Variants in PRMT3 observed in about 807,000 individuals in gnomAD.
PRMT3 encodes protein arginine methyltransferase 3.
Under a neutral mutation model 71.9 loss-of-function variants are expected in PRMT3, and 62 were observed. The observed-to-expected ratio is 0.86, with a 90% CI of 0.70 to 1.07. The LOEUF is 1.07. Among genes scored for constraint, PRMT3 ranks in the 50% least tolerant of loss-of-function variants. PRMT3 has a pLI of 0.00. For missense variants in PRMT3, 663 were observed against 643.0 expected, an observed-to-expected ratio of 1.03 and a Z score of -0.34; for synonymous variants, 213 against 220.4, an observed-to-expected ratio of 0.97 and a Z score of 0.30.
At chr11:20,476,655 T>A (rs116864572) in intron 13 of PRMT3, among the ~76,000 whole-genome samples, 1,913 of 152,316 alleles carry the variant, frequency 0.013, 21 homozygotes, top group Non-Finnish European at 0.019. Context: ...TTTTAATTCA[T>A]TATTTCTTTT....
At chr11:20,408,111 C>A in intron 9 of PRMT3, 79 bp downstream of exon 9, 1 of 1,008,836 alleles carries the variant, frequency 9.9e-7, no homozygotes, top group Non-Finnish European at 1.4e-6. Context: ...TCTTTAGTAG[C>A]TATCTAAGGC....
rs1283467740 is a variant in PRMT3, at chr11:20,494,083, C to T, written c.1399-84C>T. ...ATTTTGCTGCTGTAAGCAATTGGGG[C>T]TTGTGTTTGATGTCGTAGATTAATG... On this transcript the variant is annotated intron_variant, in intron 14 of 15. Coordinates refer to ENST00000331079, the MANE Select transcript of PRMT3 (RefSeq NM_005788.4). The T allele has an allele frequency of 4.1e-6, 6 of 1,462,622 alleles. No individual in the cohort carries two copies. The African/African-American group carries it at 8.4e-5, about 21-fold the overall frequency. The allele number at this position is 1,462,622 out of a possible 1,614,324, so 90.6% of individuals were successfully genotyped here. A position where few individuals can be genotyped will look rare whatever the true frequency, so the allele number is the denominator to read the frequency against.
chr11:20,467,172 T>G (rs1048262283), intron 13 of PRMT3, among the ~76,000 whole-genome samples: 1 of 152,188 alleles, frequency 6.6e-6, no homozygotes, highest in Non-Finnish European at 1.5e-5. Context: ...GATAAAATAT[T>G]TTAGTAGTTA....
chr11:20,480,016 T>G (rs1850891908), intron 13 of PRMT3, among the ~76,000 whole-genome samples: 3 of 152,132 alleles, frequency 2.0e-5, no homozygotes. Flanking sequence ...ATGAATTTCA[T>G]GAACAGTTGA....
At chr11:20,422,557 A>G (rs1205995364) in intron 9 of PRMT3, among the ~76,000 whole-genome samples, 1 of 152,166 alleles carries the variant, frequency 6.6e-6, no homozygotes, top group Non-Finnish European at 1.5e-5. Context: ...CCCTCTGCGT[A>G]CTATTCCCTA....
At chr11:20,472,181 T>C (rs892950916) in intron 13 of PRMT3, among the ~76,000 whole-genome samples, 7 of 152,198 alleles carry the variant, frequency 4.6e-5, no homozygotes, top group African/African-American at 1.7e-4. Flanking sequence ...ACTATTTAAA[T>C]ATGCTTTATT....
intron 10 of PRMT3, among the ~76,000 whole-genome samples, chr11:20,438,043 C>T (rs1000776140): frequency 2.0e-5 from 3 of 152,120 alleles, no homozygotes; most frequent in Non-Finnish European, 4.4e-5. Context: ...GCAGTGGGGC[C>T]ACAGTACTGC....
At chr11:20,422,349 C>G (rs779966120) in intron 9 of PRMT3, among the ~76,000 whole-genome samples, 3 of 152,066 alleles carry the variant, frequency 2.0e-5, no homozygotes, top group Non-Finnish European at 2.9e-5. Flanking sequence ...CTCTAACTGT[C>G]TGCATTGTCT....
chr11:20,480,585 T>A (rs1850907377), intron 13 of PRMT3, among the ~76,000 whole-genome samples: 1 of 152,018 alleles, frequency 6.6e-6, no homozygotes, highest in Admixed American at 6.6e-5. Context: ...TTAGAAAGAT[T>A]GTGGCTAGAA....
chr11:20,478,968 C>T (rs1176125369), intron 13 of PRMT3, among the ~76,000 whole-genome samples: 1 of 152,116 alleles, frequency 6.6e-6, no homozygotes, highest in Non-Finnish European at 1.5e-5. Flanking sequence ...ATTATTAAAA[C>T]AATTATTAAA....
At chr11:20,420,472 G>T (rs1590051002) in intron 9 of PRMT3, among the ~76,000 whole-genome samples, 1 of 152,204 alleles carries the variant, frequency 6.6e-6, no homozygotes, top group African/African-American at 2.4e-5. Flanking sequence ...GAGGTGAGCA[G>T]TGGGTGAGTG....
intron 15 of PRMT3, among the ~76,000 whole-genome samples, chr11:20,494,824 G>C (rs1033140695): frequency 6.6e-6 from 1 of 151,824 alleles, no homozygotes; most frequent in Non-Finnish European, 1.5e-5. Flanking sequence ...GAAAACTTTC[G>C]GCAATAATTA....
chr11:20,457,638 G>A (rs1167009196), intron 11 of PRMT3, among the ~76,000 whole-genome samples: 9 of 152,176 alleles, frequency 5.9e-5, no homozygotes. Flanking sequence ...GAGATTAGCA[G>A]TAGGTTTATA....
Position 20,447,287 on chromosome 11 carries a change from T to C in PRMT3, c.994-4843T>C, listed in dbSNP as rs369952375. ...GACAGTTTCACACTCCTGGGATTAT[T>C]TGAGCTGTGGGCAATCTCTGGAAAC... On this transcript the variant is annotated intron_variant, in intron 10 of 15. Coordinates refer to ENST00000331079, the MANE Select transcript of PRMT3 (RefSeq NM_005788.4). Among the ~76,000 whole-genome samples the C allele has an allele frequency of 8.7e-4, 133 of 152,192 alleles. 4 individuals are homozygous for C. The South Asian group carries it at 0.026, about 30-fold the overall frequency.
intron 9 of PRMT3, 62 bp downstream of exon 9, chr11:20,408,094 T>TGTAAAAA: frequency 8.0e-7 from 1 of 1,255,704 alleles, no homozygotes; most frequent in Non-Finnish European, 1.1e-6. Context: ...TTTAATAGAT[T>TGTAAAAA]TTCTTGTCTT....
chr11:20,462,935 G>T (rs772893496), intron 12 of PRMT3, among the ~76,000 whole-genome samples: 1 of 150,708 alleles, frequency 6.6e-6, no homozygotes, highest in African/African-American at 2.4e-5. Flanking sequence ...GCGCAATCTC[G>T]GCTCACTGCA....
intron 13 of PRMT3, among the ~76,000 whole-genome samples, chr11:20,493,202 A>C (rs1216532908): frequency 6.6e-6 from 1 of 152,170 alleles, no homozygotes; most frequent in Non-Finnish European, 1.5e-5. Flanking sequence ...TCCTTTGAGT[A>C]CTTGCTTAAA....
chr11:20,498,383 G>C (rs1011237342), intron 15 of PRMT3, among the ~76,000 whole-genome samples: 28 of 152,288 alleles, frequency 1.8e-4, no homozygotes, highest in African/African-American at 6.5e-4. Flanking sequence ...ACATAAGCCA[G>C]AGTAAAATGA....
intron 13 of PRMT3, among the ~76,000 whole-genome samples, chr11:20,474,644 A>G (rs748182093): frequency 6.6e-6 from 1 of 152,342 alleles, no homozygotes; most frequent in South Asian, 2.1e-4. Context: ...CCTGGGCAGG[A>G]TCGCACAATC....
Sources: gnomAD v4.1 joint callset for allele counts (sites outside exome capture counted in the v4.1 genomes callset) on GRCh38, gnomAD v4.1.1 for gene constraint, MANE v1.5 for transcripts, NCBI Gene and HGNC (gene_info 2026-07-23, HGNC 2026-07-21) for gene names.